Variants in KIRREL3 observed in about 807,000 individuals in gnomAD.
The protein encoded by KIRREL3 is kin of IRRE-like protein 3.
KIRREL3 carries 36 observed loss-of-function variants against 89.7 expected under a neutral mutation model. That is an observed-to-expected ratio of 0.40 (90% CI 0.31 to 0.53). KIRREL3 has a LOEUF of 0.53. Among genes scored for constraint, KIRREL3 ranks in the 20% least tolerant of loss-of-function variants. The pLI is 0.49. For missense variants in KIRREL3, 864 were observed against 1,056.6 expected (o/e 0.82, Z 2.53); for synonymous variants, 445 against 441.4 (o/e 1.01, Z -0.10).
In KIRREL3 at chr11:126,981,575, A is replaced by G. The variant is rs1275526000; in HGVS notation, c.55+18880T>C. Among the ~76,000 whole-genome samples, 1 of 152,234 alleles carries G rather than the reference A, an allele frequency of 6.6e-6. No homozygotes were observed. Among genetic ancestry groups the G allele is most frequent in the Non-Finnish European group, 1.5e-5 (1 of 68,046 alleles). ...CCACCCGACTCTATGAAGCAAAGGC[A>G]AGGAGGTATTTCTTAATCTGAGAAG... is the stretch of plus-strand genomic sequence containing the variant. On this transcript the variant is annotated intron_variant, in intron 1 of 16. Coordinates refer to ENST00000525144, the MANE Select transcript of KIRREL3 (RefSeq NM_032531.4). This position sits in a 1 kb window ranked among gnomAD's most constrained non-coding sequence, Gnocchi z 4.2.
chr11:126,458,358 G>T (rs1353803535), intron 6 of KIRREL3, among the ~76,000 whole-genome samples: 6 of 152,266 alleles, frequency 3.9e-5, no homozygotes, highest in Non-Finnish European at 8.8e-5. Context: ...AGCTGGCCCA[G>T]TTGGTCTGGG....
intron 1 of KIRREL3, among the ~76,000 whole-genome samples, chr11:126,916,487 C>T (rs1461726089): frequency 2.6e-5 from 4 of 152,196 alleles, no homozygotes; most frequent in South Asian, 2.1e-4. Context: ...CCATAGTTTA[C>T]GAACTGCAAA....
At chr11:126,874,492 A>G (rs1565373162) in intron 1 of KIRREL3, among the ~76,000 whole-genome samples, 1 of 152,210 alleles carries the variant, frequency 6.6e-6, no homozygotes, top group South Asian at 2.1e-4. Context: ...CACTCGGAAG[A>G]ATTTTCAAAG....
rs1941433860 is a variant in KIRREL3 at position 126,579,588 on chromosome 11, G to GA, written c.56-16677dup. Among the ~76,000 whole-genome samples the GA allele has an allele frequency of 6.6e-6, 1 of 150,508 alleles. No homozygotes were observed. The highest frequency in any genetic ancestry group is 2.4e-5 in the African/African-American group (1 of 40,902). On this transcript the variant is annotated intron_variant, in intron 1 of 16. Transcript: ENST00000525144. This position sits in a 1 kb window ranked among gnomAD's most constrained non-coding sequence, Gnocchi z 5.3. ...GAGACAGAGAGTGAGAAAAGGGGCA[G>GA]AAAAAACAGGGCAGGGTACAAAGGA...
intron 1 of KIRREL3, among the ~76,000 whole-genome samples, chr11:126,793,153 C>G (rs923560172): frequency 7.9e-6 from 1 of 127,234 alleles, no homozygotes; most frequent in Non-Finnish European, 1.6e-5. Flanking sequence ...TATTGCAAAA[C>G]AGCAGAGGAC....
chr11:126,424,685 G>T lies in KIRREL3; in HGVS notation c.2232C>A (p.Asp744Glu), dbSNP rs779140047. ...AGGAAGCAGAAGCCTTGCTGGCCTT[G>T]TCGAACTGCACATAGCCATCCTGCT... ...SGKQDGYVQF[D>E]KASKASASSS... Residue 744 changes from aspartate to glutamate, a missense_variant, in exon 17 of 17, where the codon GAC becomes GAA. Asp to Glu is a conservative substitution (Grantham distance 45, BLOSUM62 2). Coordinates refer to ENST00000525144, the MANE Select transcript of KIRREL3 (RefSeq NM_032531.4). The T allele has an allele frequency of 3.1e-6, 5 of 1,614,056 alleles. No homozygotes were observed. Among genetic ancestry groups the T allele is most frequent in the Non-Finnish European group, 4.2e-6 (5 of 1,179,898 alleles).
chr11:126,904,076 C>A lies in KIRREL3; in HGVS notation c.55+96379G>T, dbSNP rs536689360. 1.4e-4 allele frequency among the ~76,000 whole-genome samples: 21 copies of A among 152,264 alleles called. No individual in the cohort carries two copies. The South Asian group carries it at 3.9e-3, about 29-fold the overall frequency. ...ACTGGGAGGAGGCCAGATTACAAGACCCTGAAGGTCCTTTCCAACTCTAAA... is the reference window on the plus strand; with the variant it reads ...ACTGGGAGGAGGCCAGATTACAAGAACCTGAAGGTCCTTTCCAACTCTAAA... On this transcript the variant is annotated intron_variant, in intron 1 of 16. Transcript: ENST00000525144. The surrounding 1 kb of genome is among the most constrained non-coding windows in gnomAD (Gnocchi z 4.4).
At chr11:126,862,039 C>T (rs556921595) in intron 1 of KIRREL3, among the ~76,000 whole-genome samples, 36 of 152,308 alleles carry the variant, frequency 2.4e-4, no homozygotes, top group Non-Finnish European at 4.4e-4. Context: ...GAGCAGTTAG[C>T]GGCCCTGAGG....
chr11:126,640,718 G>T lies in KIRREL3; in HGVS notation c.56-77806C>A, dbSNP rs896580545. ...GAATGAACCATGGGACCCTTGGGTT[G>T]AAGACTATGCCTAACTCTGTATGAG... On this transcript the variant is annotated intron_variant, in intron 1 of 16. Coordinates refer to ENST00000525144, the MANE Select transcript of KIRREL3 (RefSeq NM_032531.4). This position sits in a 1 kb window ranked among gnomAD's most constrained non-coding sequence, Gnocchi z 4.9. Among the ~76,000 whole-genome samples, 9 of 152,166 alleles carry T rather than the reference G, an allele frequency of 5.9e-5. No homozygotes were observed. Among genetic ancestry groups the T allele is most frequent in the Non-Finnish European group, 1.0e-4 (7 of 68,028 alleles).
At position 126,643,095 on chromosome 11, in the gene KIRREL3, A is replaced by C. The variant is rs774159330; in HGVS notation, c.56-80183T>G. On this transcript the variant is annotated intron_variant, in intron 1 of 16. Coordinates refer to ENST00000525144, the MANE Select transcript of KIRREL3 (RefSeq NM_032531.4). This position sits in a 1 kb window ranked among gnomAD's most constrained non-coding sequence, Gnocchi z 4.5. ...GGCAGATGTCATGAGCACTGGAATC[A>C]GATTGGAAAACTGAGTCTGCCACTT... 1.1e-4 allele frequency among the ~76,000 whole-genome samples: 17 copies of C among 152,352 alleles called. No individual in the cohort carries two copies. Among genetic ancestry groups the C allele is most frequent in the Middle Eastern group, 6.8e-3 (2 of 294 alleles).
intron 1 of KIRREL3, among the ~76,000 whole-genome samples, chr11:126,801,659 C>T (rs1951038304): frequency 6.6e-6 from 1 of 152,292 alleles, no homozygotes; most frequent in African/African-American, 2.4e-5. Flanking sequence ...CCCATTTCTT[C>T]GTCTGTGAGA....
rs1421808024 is a variant in KIRREL3 at position 126,501,144 on chromosome 11, C to T, written c.433+20171G>A. ...GGATATCTCCAGTGCAAGGACACTA[C>T]TGGTGGACAGCTGGTCCGTCCCACA... On this transcript the variant is annotated intron_variant, in intron 4 of 16. Transcript: ENST00000525144. The surrounding 1 kb of genome is among the most constrained non-coding windows in gnomAD (Gnocchi z 5.8). Among the ~76,000 whole-genome samples, 5 of 152,206 alleles carry T rather than the reference C, an allele frequency of 3.3e-5. No homozygotes were observed. The highest frequency in any genetic ancestry group is 7.3e-5 in the Non-Finnish European group (5 of 68,042).
chr11:126,857,609 T>A (rs1592232974), intron 1 of KIRREL3, among the ~76,000 whole-genome samples: 2 of 152,082 alleles, frequency 1.3e-5, no homozygotes, highest in Admixed American at 6.5e-5. Flanking sequence ...TGGGGATTGA[T>A]CTGAGACTGG....
intron 1 of KIRREL3, among the ~76,000 whole-genome samples, chr11:126,834,203 C>T (rs995933992): frequency 6.6e-6 from 1 of 152,118 alleles, no homozygotes. Flanking sequence ...CTTTCTGATC[C>T]CAGCACATTA....
intron 1 of KIRREL3, among the ~76,000 whole-genome samples, chr11:126,735,575 G>A (rs574089977): frequency 6.6e-6 from 1 of 152,318 alleles, no homozygotes; most frequent in African/African-American, 2.4e-5. Flanking sequence ...CGGGGAATTG[G>A]GGCTTATTGG....
intron 1 of KIRREL3, among the ~76,000 whole-genome samples, chr11:126,637,392 G>A (rs1458334668): frequency 6.6e-6 from 1 of 152,104 alleles, no homozygotes; most frequent in Non-Finnish European, 1.5e-5. Flanking sequence ...CTGGCCCTTG[G>A]CCTCATGTTC....
Position 126,866,648 on chromosome 11 carries a change from T to C in KIRREL3, c.55+133807A>G, listed in dbSNP as rs546129250. Among the ~76,000 whole-genome samples, 6 of 147,560 alleles carry C rather than the reference T, an allele frequency of 4.1e-5. No homozygotes were observed. In the South Asian group the frequency reaches 6.6e-4, roughly 16 times the overall value. On this transcript the variant is annotated intron_variant, in intron 1 of 16. Coordinates refer to ENST00000525144, the MANE Select transcript of KIRREL3 (RefSeq NM_032531.4). The stretch of plus-strand genomic sequence containing the variant: ...CACTCTGGCCTGCCACCCTCCTCAC[T>C]GCCCCCCCACACACACTGACCAGCC...
At chr11:126,577,609 A>AAAAT (rs1941324069) in intron 1 of KIRREL3, among the ~76,000 whole-genome samples, 1 of 151,082 alleles carries the variant, frequency 6.6e-6, no homozygotes, top group African/African-American at 2.4e-5. Flanking sequence ...AAAAAAAAAA[A>AAAAT]AGATTAGCGG....
rs1341301612 is a variant in KIRREL3 at position 126,475,061 on chromosome 11, A to G, written c.434-1595T>C. 6.6e-6 allele frequency among the ~76,000 whole-genome samples: 1 copy of G among 152,128 alleles called. No homozygotes were observed. Among genetic ancestry groups the G allele is most frequent in the Non-Finnish European group, 1.5e-5 (1 of 68,000 alleles). On this transcript the variant is annotated intron_variant, in intron 4 of 16. Coordinates refer to ENST00000525144, the MANE Select transcript of KIRREL3 (RefSeq NM_032531.4). The surrounding 1 kb of genome is among the most constrained non-coding windows in gnomAD (Gnocchi z 7.5). ...AGAGAGGCCCAGGGCCTCTGGACACATCAAGACGTGAGCTGTCTGTGTACA... is the reference window on the plus strand; with the variant it reads ...AGAGAGGCCCAGGGCCTCTGGACACGTCAAGACGTGAGCTGTCTGTGTACA...
Sources: gnomAD v4.1 joint callset for allele counts (sites outside exome capture counted in the v4.1 genomes callset) on GRCh38, gnomAD v4.1.1 for gene constraint, Gnocchi (gnomAD v3.1) non-coding constraint, MANE v1.5 for transcripts, NCBI Gene and HGNC (gene_info 2026-07-23, HGNC 2026-07-21) for gene names.